The following PHIP variants were observed in gnomAD, a reference collection of about 807,000 sequenced individuals.
PHIP encodes PHIP subunit of CUL4-Ring ligase complex.
A neutral mutation model predicts 236.8 loss-of-function variants in PHIP; 54 were observed. That is an observed-to-expected ratio of 0.23 (90% CI 0.18 to 0.29). The LOEUF (loss-of-function observed/expected upper bound fraction) is 0.29. Ranked by LOEUF, PHIP falls within the 10% of genes least tolerant of loss-of-function variation. The pLI is 1.00. For missense variants in PHIP, 1,370 were observed against 2,190.8 expected (o/e 0.63, Z 7.48); for synonymous variants, 756 against 718.9 (o/e 1.05, Z -0.83).
intron 22 of PHIP, among the ~76,000 whole-genome samples, chr6:78,983,695 T>C (rs528596951): frequency 2.0e-5 from 3 of 152,188 alleles, no homozygotes; most frequent in East Asian, 3.9e-4. Flanking sequence ...GCATGTAAAG[T>C]AACAAAATTT....
chr6:79,010,968 G>A (rs922179031), intron 15 of PHIP, among the ~76,000 whole-genome samples: 8 of 151,818 alleles, frequency 5.3e-5, no homozygotes, highest in African/African-American at 1.4e-4. Flanking sequence ...TAAACCTGGC[G>A]ACCTCTTTCA....
intron 21 of PHIP, among the ~76,000 whole-genome samples, chr6:78,987,609 A>T (rs1446745474): frequency 6.6e-6 from 1 of 152,158 alleles, no homozygotes; most frequent in East Asian, 1.9e-4. Flanking sequence ...GGTGATGGGA[A>T]AGGTTGAGAA....
chr6:79,020,869 A>T (rs1007603839), intron 9 of PHIP, among the ~76,000 whole-genome samples: 1 of 151,706 alleles, frequency 6.6e-6, no homozygotes, highest in Non-Finnish European at 1.5e-5. Flanking sequence ...TTAAAATTTT[A>T]TAAGTTAAAT....
At chr6:78,986,940 A>G (rs1247908356) in intron 21 of PHIP, among the ~76,000 whole-genome samples, 1 of 119,262 alleles carries the variant, frequency 8.4e-6, no homozygotes, top group Non-Finnish European at 1.9e-5. Context: ...AGGGGGGAAA[A>G]AGAAACAGAA....
At chr6:79,046,889 T>G (rs1325533199) in intron 6 of PHIP, among the ~76,000 whole-genome samples, 1 of 142,854 alleles carries the variant, frequency 7.0e-6, no homozygotes, top group African/African-American at 2.6e-5. Context: ...CAACAACAAA[T>G]TAGGTTTAAG....
intron 9 of PHIP, among the ~76,000 whole-genome samples, chr6:79,019,846 A>C (rs1771024386): frequency 6.6e-6 from 1 of 152,152 alleles, no homozygotes; most frequent in South Asian, 2.1e-4. Flanking sequence ...CTGATATTAA[A>C]TGTTTAATGT....
intron 18 of PHIP, among the ~76,000 whole-genome samples, chr6:78,997,833 A>C (rs528284826): frequency 9.7e-4 from 147 of 152,286 alleles, no homozygotes; most frequent in Non-Finnish European, 1.4e-3. Context: ...TTAAGCCCCA[A>C]GGATACAAAA....
chr6:79,065,475 T>C (rs1400395082), intron 4 of PHIP, among the ~76,000 whole-genome samples: 1 of 152,082 alleles, frequency 6.6e-6, no homozygotes, highest in Non-Finnish European at 1.5e-5. Flanking sequence ...AATCTCTCTC[T>C]CCTGTCAGAC....
At chr6:79,018,884 T>G (rs1430894199) in intron 10 of PHIP, among the ~76,000 whole-genome samples, 1 of 152,000 alleles carries the variant, frequency 6.6e-6, no homozygotes, top group South Asian at 2.1e-4. Context: ...AAAACAGTCA[T>G]GTGATTATAT....
chr6:79,036,921 C>CAAAAAAA (rs34875528), intron 7 of PHIP, among the ~76,000 whole-genome samples: 5 of 38,950 alleles, frequency 1.3e-4, no homozygotes, highest in Non-Finnish European at 1.4e-4. Context: ...GACTCCGTCT[C>CAAAAAAA]AAAAAAAAAA....
chr6:78,989,337 G>C (rs112977377), intron 20 of PHIP, among the ~76,000 whole-genome samples: 61 of 152,254 alleles, frequency 4.0e-4, no homozygotes, highest in African/African-American at 1.4e-3. Flanking sequence ...AAGGCAAGAG[G>C]ATCACTTGAG....
intron 21 of PHIP, among the ~76,000 whole-genome samples, chr6:78,987,028 T>C (rs974844932): frequency 1.3e-5 from 2 of 152,084 alleles, no homozygotes; most frequent in African/African-American, 4.8e-5. Flanking sequence ...TTCCAATTAA[T>C]TAGTATACTG....
chr6:78,969,772 A>T, intron 27 of PHIP, 63 bp downstream of exon 27: 1 of 730,840 alleles, frequency 1.4e-6, no homozygotes, highest in Non-Finnish European at 2.2e-6. Flanking sequence ...GAAAAATAGT[A>T]AATCACTTAC....
chr6:79,004,163 C>G (rs975307767), intron 15 of PHIP, among the ~76,000 whole-genome samples: 6 of 152,092 alleles, frequency 3.9e-5, no homozygotes, highest in Admixed American at 1.3e-4. Context: ...TTATGTCTTA[C>G]ACTCCATCTA....
intron 6 of PHIP, among the ~76,000 whole-genome samples, chr6:79,059,625 A>ATATATATATATATATATATATATATAT (rs1562216779): frequency 1.7e-5 from 1 of 58,192 alleles, no homozygotes; most frequent in Non-Finnish European, 3.9e-5. Flanking sequence ...ATATATATAT[A>ATATATATATATATATATATATATATAT]AAAATGCCAA....
At chr6:78,979,734 G>A (rs763990114) in intron 23 of PHIP, among the ~76,000 whole-genome samples, 11 of 151,996 alleles carry the variant, frequency 7.2e-5, no homozygotes, top group Non-Finnish European at 1.0e-4. Flanking sequence ...TGAATCACAC[G>A]TAAAACATTA....
chr6:79,015,298 C>G, intron 14 of PHIP, 82 bp from the exon 15 acceptor site: 3 of 1,111,688 alleles, frequency 2.7e-6, no homozygotes, highest in Non-Finnish European at 4.0e-6. Context: ...CAATATGGCA[C>G]TATTTCTAGA....
In PHIP at chr6:78,936,865, A is replaced by G. The variant is rs1410035588; in HGVS notation, c.*3828T>C. 1 of 151,816 alleles carries G rather than the reference A, an allele frequency of 6.6e-6. No homozygotes were observed. The highest frequency in any genetic ancestry group is 1.5e-5 in the Non-Finnish European group (1 of 67,744). 9.4% of individuals were successfully genotyped at this position (151,816 alleles called of 1,614,324 possible). On this transcript the variant is annotated 3_prime_UTR_variant, in exon 40 of 40. Coordinates refer to ENST00000275034, the MANE Select transcript of PHIP (RefSeq NM_017934.7). ...AAAATAGTTTCTTAGTAAATGTAAT[A>G]TTAATTTTAGTTCAGATCACTTGGA...
At chr6:79,018,445 CTG>C (rs1288573787) in intron 10 of PHIP, among the ~76,000 whole-genome samples, 4 of 151,938 alleles carry the variant, frequency 2.6e-5, no homozygotes, top group Non-Finnish European at 1.5e-5. Flanking sequence ...AAAAGTAAAA[CTG>C]AAAATAAAGG....
Sources: allele counts gnomAD v4.1 joint callset (sites outside exome capture counted in the v4.1 genomes callset), GRCh38; gene constraint gnomAD v4.1.1; transcripts MANE v1.5; gene names NCBI Gene and HGNC (gene_info 2026-07-23, HGNC 2026-07-21).